RIC3: variants seen among roughly 807,000 people sequenced by gnomAD.
The protein encoded by RIC3 is protein RIC-3.
RIC3 carries 28 observed loss-of-function variants against 27.3 expected under a neutral mutation model. That is an observed-to-expected ratio of 1.02 (90% CI 0.76 to 1.41). RIC3 has a LOEUF of 1.41. Among genes scored for constraint, RIC3 ranks in the 40% most tolerant of loss-of-function variants. RIC3 has a pLI of 0.00. For synonymous variants in RIC3, 184 were observed against 160.4 expected (o/e 1.15, Z -1.11); for missense variants, 501 against 444.7 (o/e 1.13, Z -1.14).
chr11:8,159,233 G>C (rs1950963052), intron 1 of RIC3, among the ~76,000 whole-genome samples: 2 of 152,170 alleles, frequency 1.3e-5, no homozygotes, highest in Non-Finnish European at 1.5e-5. Flanking sequence ...TCCAAAAGAA[G>C]AGCATTTCAA....
At chr11:8,167,334 T>C (rs1428442714) in intron 1 of RIC3, among the ~76,000 whole-genome samples, 3 of 152,166 alleles carry the variant, frequency 2.0e-5, no homozygotes, top group South Asian at 2.1e-4. Context: ...CATGATAAAA[T>C]AGAGAATGAT....
chr11:8,137,318 C>A, intron 4 of RIC3, 60 bp downstream of exon 4: 1 of 1,513,814 alleles, frequency 6.6e-7, no homozygotes, highest in Non-Finnish European at 9.1e-7. Flanking sequence ...GCCACTGCAC[C>A]CAGCCTGAAT....
At chr11:8,151,263 A>T (rs572500170) in intron 1 of RIC3, among the ~76,000 whole-genome samples, 44 of 152,326 alleles carry the variant, frequency 2.9e-4, no homozygotes, top group African/African-American at 1.0e-3. Context: ...AGTATCCAAA[A>T]TATATAAAGA....
rs537636381 is a variant in RIC3 at position 8,133,974 on chromosome 11, T to C, written c.521+3404A>G. ...GCCCTGCCCACAGAGGTTTCATCTA[T>C]GGTTTTCTTTTTTTTTTTAATATAT... On this transcript the variant is annotated intron_variant, in intron 4 of 5. Coordinates refer to ENST00000309737, the MANE Select transcript of RIC3 (RefSeq NM_001206671.4). Among the ~76,000 whole-genome samples the C allele has an allele frequency of 2.0e-4, 30 of 151,742 alleles. No individual in the cohort carries two copies. In the South Asian group the frequency reaches 4.6e-3, roughly 23 times the overall value.
intron 1 of RIC3, among the ~76,000 whole-genome samples, chr11:8,159,404 T>C (rs189270577): frequency 3.9e-5 from 6 of 152,140 alleles, no homozygotes; most frequent in East Asian, 1.9e-4. Context: ...GGGTCATGTA[T>C]AGACTATCTT....
the RIC3 span, among the ~76,000 whole-genome samples, chr11:8,098,038 C>G: frequency 1.3e-5 from 2 of 152,182 alleles, no homozygotes; most frequent in African/African-American, 4.8e-5. Flanking sequence ...CGACCCCAAG[C>G]TGTTCCCAGG....
At chr11:8,148,358 T>C (rs1029526379) in intron 1 of RIC3, among the ~76,000 whole-genome samples, 1 of 152,208 alleles carries the variant, frequency 6.6e-6, no homozygotes, top group African/African-American at 2.4e-5. Flanking sequence ...TGATGAGTAC[T>C]GGCTTTGGCT....
intron 4 of RIC3, among the ~76,000 whole-genome samples, chr11:8,130,119 G>A (rs1230065050): frequency 6.6e-6 from 1 of 151,830 alleles, no homozygotes; most frequent in Admixed American, 6.6e-5. Flanking sequence ...TTTCTTTTGG[G>A]GAACCAACTC....
At chr11:8,098,882 CCT>C in the RIC3 span, 1 of 1,603,770 alleles carries the variant, frequency 6.2e-7, no homozygotes, top group Non-Finnish European at 8.5e-7. Flanking sequence ...CTACGTGAGT[CCT>C]AGGTTCGGGG....
At chr11:8,132,822 G>C (rs1386158565) in intron 4 of RIC3, among the ~76,000 whole-genome samples, 2 of 152,134 alleles carry the variant, frequency 1.3e-5, no homozygotes, top group Admixed American at 6.5e-5. Context: ...ATTTTGATCT[G>C]ACAGAACAAA....
At chr11:8,162,646 T>C (rs1240719249) in intron 1 of RIC3, among the ~76,000 whole-genome samples, 2 of 145,774 alleles carry the variant, frequency 1.4e-5, no homozygotes, top group Non-Finnish European at 3.0e-5. Flanking sequence ...TTTTTTTTTT[T>C]TTTTTTTTTC....
At chr11:8,142,604 AG>A (rs1488684865) in intron 1 of RIC3, among the ~76,000 whole-genome samples, 2 of 147,882 alleles carry the variant, frequency 1.4e-5, no homozygotes, top group Non-Finnish European at 3.0e-5. Flanking sequence ...AGGTACAAGG[AG>A]GAACTGGTAC....
intron 4 of RIC3, among the ~76,000 whole-genome samples, chr11:8,137,072 T>A (rs1051853399): frequency 2.0e-5 from 3 of 152,236 alleles, no homozygotes; most frequent in Non-Finnish European, 4.4e-5. Flanking sequence ...TTGCCCAGGC[T>A]GGAGTGCAAG....
At chr11:8,161,453 A>T (rs1160152968) in intron 1 of RIC3, among the ~76,000 whole-genome samples, 1 of 152,132 alleles carries the variant, frequency 6.6e-6, no homozygotes, top group Non-Finnish European at 1.5e-5. Flanking sequence ...TCACTTTCCC[A>T]TTCTATTTTA....
rs139422444 is a variant in RIC3 at position 8,152,332 on chromosome 11, T to C, written c.125-12139A>G. The stretch of plus-strand genomic sequence containing the variant: ...CATAGTATCTAAATGTCCATCAACT[T>C]ATGAATAGATCAACAAAATGTAGTA... On this transcript the variant is annotated intron_variant, in intron 1 of 5. Coordinates refer to ENST00000309737, the MANE Select transcript of RIC3 (RefSeq NM_001206671.4). 2.0e-4 allele frequency among the ~76,000 whole-genome samples: 31 copies of C among 152,318 alleles called. No individual in the cohort carries two copies. The East Asian group carries it at 6.0e-3, about 29-fold the overall frequency.
intron 5 of RIC3, among the ~76,000 whole-genome samples, chr11:8,123,532 G>C (rs553732338): frequency 1.5e-4 from 23 of 152,294 alleles, no homozygotes; most frequent in African/African-American, 5.3e-4. Context: ...ATCAAGAATA[G>C]AAGAGGGTGC....
chr11:8,094,050 A>C, the RIC3 span: 8 of 1,614,112 alleles, frequency 5.0e-6, no homozygotes, highest in Non-Finnish European at 6.8e-6. Context: ...GAGCAGTTCA[A>C]GAGGCCGACT....
At chr11:8,113,604 G>C (rs1213495437) in intron 5 of RIC3, among the ~76,000 whole-genome samples, 1 of 152,104 alleles carries the variant, frequency 6.6e-6, no homozygotes, top group African/African-American at 2.4e-5. Context: ...CCAGTGCCAG[G>C]CTAGTCTCTA....
chr11:8,093,916 T>C, the RIC3 span: 1 of 1,021,552 alleles, frequency 9.8e-7, no homozygotes, highest in Non-Finnish European at 1.5e-6. Context: ...GCTGTAGAAG[T>C]GGTACAGGGG....
Sources: gnomAD v4.1 joint callset for allele counts (sites outside exome capture counted in the v4.1 genomes callset) on GRCh38, gnomAD v4.1.1 for gene constraint, MANE v1.5 for transcripts, NCBI Gene and HGNC (gene_info 2026-07-23, HGNC 2026-07-21) for gene names.